PRKN: variants seen among roughly 807,000 people sequenced by gnomAD.
PRKN encodes the protein E3 ubiquitin-protein ligase parkin.
Under a neutral mutation model 59.5 loss-of-function variants are expected in PRKN, and 56 were observed. The ratio of observed to expected loss-of-function variants is 0.94; its 90% CI spans 0.76 to 1.18. The LOEUF (loss-of-function observed/expected upper bound fraction) is 1.18. Ranked by LOEUF, PRKN falls within the 50% of genes most tolerant of loss-of-function variation. The pLI, the probability that PRKN is intolerant of heterozygous loss-of-function variation, is 0.00. For missense variants in PRKN, 657 were observed against 596.4 expected (o/e 1.10, Z -1.06); for synonymous variants, 250 against 222.1 (o/e 1.13, Z -1.12).
In PRKN at chr6:161,878,042, C is replaced by T. The variant is rs113356492; in HGVS notation, c.735-92134G>A. Among the ~76,000 whole-genome samples the T allele has an allele frequency of 1.2e-3, 185 of 152,220 alleles. 5 individuals are homozygous for T. In the South Asian group the frequency reaches 0.024, roughly 20 times the overall value. Reference sequence around the variant, plus strand: ...TCTTGAAGGGTGGGTCAGCCTCTTCCTCTCTGCTGGCCAGTTTCTTGTGTC... The same window carrying T: ...TCTTGAAGGGTGGGTCAGCCTCTTCTTCTCTGCTGGCCAGTTTCTTGTGTC... On this transcript the variant is annotated intron_variant, in intron 6 of 11. Coordinates refer to ENST00000366898, the MANE Select transcript of PRKN (RefSeq NM_004562.3).
intron 3 of PRKN, among the ~76,000 whole-genome samples, chr6:162,259,591 T>C (rs78370517): frequency 0.012 from 1,821 of 152,332 alleles, 37 homozygotes; most frequent in African/African-American, 0.042. Flanking sequence ...GGCATACTGT[T>C]TGCATATAGT....
At chr6:162,456,992 T>C (rs1020393206) in intron 1 of PRKN, among the ~76,000 whole-genome samples, 12 of 152,288 alleles carry the variant, frequency 7.9e-5, no homozygotes, top group African/African-American at 2.4e-4. Context: ...TGACACTACA[T>C]AGACCTCAAA....
intron 3 of PRKN, among the ~76,000 whole-genome samples, chr6:162,230,401 A>G (rs1156289462): frequency 6.6e-6 from 1 of 152,210 alleles, no homozygotes; most frequent in African/African-American, 2.4e-5. Flanking sequence ...TCTTTGAAAT[A>G]ATCCTGCAAG....
At position 161,969,286 on chromosome 6, in the gene PRKN, T is replaced by TA. The variant is rs1199451070; in HGVS notation, c.734+4015dup. 1.3e-4 allele frequency among the ~76,000 whole-genome samples: 19 copies of TA among 148,848 alleles called. 2 individuals carry two copies. In the South Asian group the frequency reaches 3.4e-3, roughly 26 times the overall value. On this transcript the variant is annotated intron_variant, in intron 6 of 11. Coordinates refer to ENST00000366898, the MANE Select transcript of PRKN (RefSeq NM_004562.3). ...CTTATTTGTTTTTTTTTTTTTTTTT[T>TA]AACTGTGAGTAAATGCTCAAAAGTG...
chr6:161,823,896 C>T (rs961607926), intron 6 of PRKN, among the ~76,000 whole-genome samples: 5 of 152,212 alleles, frequency 3.3e-5, no homozygotes, highest in African/African-American at 7.2e-5. Context: ...ATTTTCACAG[C>T]TGTTGCTTAG....
intron 2 of PRKN, among the ~76,000 whole-genome samples, chr6:162,419,464 C>A (rs1315922405): frequency 6.6e-6 from 1 of 151,972 alleles, no homozygotes; most frequent in East Asian, 1.9e-4. Context: ...AATAAATGTA[C>A]AAGAATAAGA....
At chr6:161,680,761 A>AT (rs1785312168) in intron 7 of PRKN, among the ~76,000 whole-genome samples, 1 of 9,876 alleles carries the variant, frequency 1.0e-4, no homozygotes, top group African/African-American at 3.9e-4. Flanking sequence ...ATATATATAT[A>AT]TATATATATA....
At chr6:161,806,838 T>C (rs1166714515) in intron 6 of PRKN, among the ~76,000 whole-genome samples, 1 of 152,102 alleles carries the variant, frequency 6.6e-6, no homozygotes, top group Non-Finnish European at 1.5e-5. Context: ...GTTGGAGAAA[T>C]GTTTGATATT....
At chr6:161,606,991 A>T (rs527749130) in intron 7 of PRKN, among the ~76,000 whole-genome samples, 1 of 152,292 alleles carries the variant, frequency 6.6e-6, no homozygotes, top group South Asian at 2.1e-4. Flanking sequence ...AAATCAGGGA[A>T]TTACATGGAT....
intron 3 of PRKN, among the ~76,000 whole-genome samples, chr6:162,211,440 T>G (rs184706856): frequency 9.2e-5 from 14 of 152,324 alleles, no homozygotes; most frequent in African/African-American, 3.4e-4. Flanking sequence ...ATGGAATCCA[T>G]GGAATGACCT....
At chr6:162,160,890 CAAAAAAAAAAAAAA>C (rs56320816) in intron 4 of PRKN, among the ~76,000 whole-genome samples, 1 of 80,266 alleles carries the variant, frequency 1.2e-5, no homozygotes, top group Non-Finnish European at 2.2e-5. Flanking sequence ...GACTCCGTCT[CAAAAAAAAAAAAAA>C]AAAAAAAAAA....
intron 6 of PRKN, among the ~76,000 whole-genome samples, chr6:161,962,523 C>G (rs2128248863): frequency 6.7e-6 from 1 of 149,890 alleles, no homozygotes; most frequent in Admixed American, 6.6e-5. Context: ...CTCTTAGATG[C>G]TTCAGGAATG....
At chr6:162,261,034 A>G (rs967244802) in intron 3 of PRKN, among the ~76,000 whole-genome samples, 4 of 152,136 alleles carry the variant, frequency 2.6e-5, no homozygotes, top group African/African-American at 9.7e-5. Context: ...AAAAATGCAT[A>G]AATCTCAAAG....
At chr6:161,757,889 AC>A (rs1789013511) in intron 7 of PRKN, among the ~76,000 whole-genome samples, 1 of 9,532 alleles carries the variant, frequency 1.0e-4, no homozygotes, top group Non-Finnish European at 2.9e-4. Flanking sequence ...ATATATATAC[AC>A]ACACACACAC....
chr6:161,572,806 T>C (rs1364607277), intron 7 of PRKN, among the ~76,000 whole-genome samples: 2 of 152,328 alleles, frequency 1.3e-5, no homozygotes, highest in East Asian at 3.9e-4. Flanking sequence ...AGCTGAGTGC[T>C]TCTCCAACTA....
chr6:162,714,311 T>A (rs1778645397), intron 1 of PRKN, among the ~76,000 whole-genome samples: 1 of 152,218 alleles, frequency 6.6e-6, no homozygotes, highest in African/African-American at 2.4e-5. Flanking sequence ...TCAGACTTCC[T>A]TCTTTGCTTT....
At chr6:161,683,301 C>T (rs1242133610) in intron 7 of PRKN, among the ~76,000 whole-genome samples, 4 of 152,154 alleles carry the variant, frequency 2.6e-5, no homozygotes, top group East Asian at 1.9e-4. Context: ...GTTTCCCAGA[C>T]GCGTCTGGGT....
chr6:161,920,022 G>C (rs553368550), intron 6 of PRKN, among the ~76,000 whole-genome samples: 1 of 152,198 alleles, frequency 6.6e-6, no homozygotes, highest in Non-Finnish European at 1.5e-5. Context: ...ACCTAGACTG[G>C]ATGGTAGAGC....
intron 7 of PRKN, among the ~76,000 whole-genome samples, chr6:161,653,245 T>A (rs572935928): frequency 5.5e-4 from 83 of 152,100 alleles, no homozygotes; most frequent in African/African-American, 1.9e-3. Context: ...ATGCCTGTAG[T>A]CCCAGCTACT....
Sources: gnomAD v4.1 joint callset for allele counts (sites outside exome capture counted in the v4.1 genomes callset) on GRCh38, gnomAD v4.1.1 for gene constraint, MANE v1.5 for transcripts, NCBI Gene and HGNC (gene_info 2026-07-23, HGNC 2026-07-21) for gene names.